OPCML: variants seen among roughly 807,000 people sequenced by gnomAD.
OPCML encodes the protein opioid-binding protein/cell adhesion molecule.
Under a neutral mutation model 37.8 loss-of-function variants are expected in OPCML, and 13 were observed. The observed-to-expected ratio is 0.34, with a 90% confidence interval of 0.22 to 0.55. The LOEUF (loss-of-function observed/expected upper bound fraction) is 0.55. Ranked by LOEUF, OPCML falls within the 20% of genes least tolerant of loss-of-function variation. OPCML has a pLI of 0.91. For synonymous variants in OPCML, 176 were observed against 168.8 expected (o/e 1.04, Z -0.33); for missense variants, 341 against 435.6 (o/e 0.78, Z 1.93).
chr11:133,371,970 G>T (rs748143718), intron 1 of OPCML, among the ~76,000 whole-genome samples: 4 of 152,124 alleles, frequency 2.6e-5, no homozygotes, highest in Non-Finnish European at 4.4e-5. Flanking sequence ...AGCTAAAAAT[G>T]TTGATCTCAT....
In OPCML at chr11:133,486,152, G is replaced by A. The variant is rs374673220; in HGVS notation, c.61+46112C>T. Among the ~76,000 whole-genome samples the A allele has an allele frequency of 2.0e-5, 3 of 152,240 alleles. No homozygotes were observed. The East Asian group carries it at 5.8e-4, about 29-fold the overall frequency. On this transcript the variant is annotated intron_variant, in intron 1 of 7. Transcript: ENST00000524381. ...TAACCCAATAAAGAACCAGAAGCTT[G>A]CAGGAACCTAACCCTGTATTTTCTC...
intron 2 of OPCML, among the ~76,000 whole-genome samples, chr11:132,779,250 G>A (rs531775507): frequency 6.6e-6 from 1 of 152,254 alleles, no homozygotes; most frequent in South Asian, 2.1e-4. Context: ...TTACAGGCAT[G>A]AGTCACCACA....
At chr11:132,719,166 G>A (rs1944592204) in intron 2 of OPCML, among the ~76,000 whole-genome samples, 4 of 152,214 alleles carry the variant, frequency 2.6e-5, no homozygotes, top group Admixed American at 1.3e-4. Context: ...TCCAGGAGGC[G>A]CGTGTTCTTC....
intron 1 of OPCML, among the ~76,000 whole-genome samples, chr11:133,210,036 G>A (rs1276612686): frequency 3.3e-5 from 5 of 152,160 alleles, no homozygotes; most frequent in East Asian, 1.9e-4. Context: ...ATATTTGCAC[G>A]CACACACCTC....
At chr11:133,528,365 A>G (rs4378414) in intron 1 of OPCML, among the ~76,000 whole-genome samples, 64,682 of 152,150 alleles carry the variant, frequency 0.43, 18,631 homozygotes, top group African/African-American at 0.82. Flanking sequence ...GGACGATGGG[A>G]ACTTGCTCAT....
intron 3 of OPCML, among the ~76,000 whole-genome samples, chr11:132,567,172 C>T (rs1457777709): frequency 6.6e-6 from 1 of 152,156 alleles, no homozygotes; most frequent in African/African-American, 2.4e-5. Flanking sequence ...CTACTCCTCA[C>T]TGAATACTTC....
At chr11:132,659,828 C>A (rs1008858109) in intron 2 of OPCML, among the ~76,000 whole-genome samples, 1 of 152,070 alleles carries the variant, frequency 6.6e-6, no homozygotes, top group Non-Finnish European at 1.5e-5. Flanking sequence ...AGTCATAACA[C>A]GTGCATTGTT....
At chr11:132,570,154 C>A (rs2096433969) in intron 3 of OPCML, among the ~76,000 whole-genome samples, 1 of 152,198 alleles carries the variant, frequency 6.6e-6, no homozygotes, top group African/African-American at 2.4e-5. Context: ...CAGGCCAAAT[C>A]TGGCTTTCTT....
At chr11:132,850,947 G>A (rs888953351) in intron 2 of OPCML, among the ~76,000 whole-genome samples, 5 of 152,186 alleles carry the variant, frequency 3.3e-5, no homozygotes, top group Admixed American at 1.3e-4. Context: ...ATAGAACAGA[G>A]GTTATTCACT....
chr11:133,445,900 A>G (rs892922186), intron 1 of OPCML, among the ~76,000 whole-genome samples: 1 of 152,030 alleles, frequency 6.6e-6, no homozygotes, highest in Admixed American at 6.6e-5. Context: ...GATGGGGCTG[A>G]GAAGGAAGGG....
At chr11:133,470,024 T>C (rs1026978771) in intron 1 of OPCML, among the ~76,000 whole-genome samples, 1 of 152,148 alleles carries the variant, frequency 6.6e-6, no homozygotes, top group South Asian at 2.1e-4. Flanking sequence ...CATTTAGTCT[T>C]CCCAAATTAC....
chr11:132,540,751 T>A (rs1403536933), intron 3 of OPCML, among the ~76,000 whole-genome samples: 1 of 152,218 alleles, frequency 6.6e-6, no homozygotes, highest in Non-Finnish European at 1.5e-5. Flanking sequence ...TATGCTAAGT[T>A]CATTTGTGAT....
intron 1 of OPCML, among the ~76,000 whole-genome samples, chr11:133,149,543 A>C (rs1157118770): frequency 3.3e-5 from 5 of 152,240 alleles, no homozygotes; most frequent in Non-Finnish European, 7.3e-5. Context: ...TGTGTCCCTG[A>C]TAAGTCGGTT....
intron 1 of OPCML, chr11:133,005,578 CT>C: frequency 1.0e-6 from 1 of 985,104 alleles, no homozygotes; most frequent in Non-Finnish European, 1.2e-6. Context: ...TAATATATCC[CT>C]TTCCTTAGGG....
At chr11:132,778,449 A>G (rs1946881854) in intron 2 of OPCML, among the ~76,000 whole-genome samples, 1 of 152,250 alleles carries the variant, frequency 6.6e-6, no homozygotes, top group Non-Finnish European at 1.5e-5. Flanking sequence ...AATGCAAATC[A>G]TGACCTCAAG....
intron 1 of OPCML, among the ~76,000 whole-genome samples, chr11:133,271,068 T>C (rs1369097702): frequency 1.3e-5 from 2 of 152,192 alleles, no homozygotes; most frequent in African/African-American, 2.4e-5. Context: ...CAGTAAGACA[T>C]CAGACTTTGT....
At chr11:133,089,783 G>A (rs1948875967) in intron 1 of OPCML, among the ~76,000 whole-genome samples, 1 of 151,982 alleles carries the variant, frequency 6.6e-6, no homozygotes, top group African/African-American at 2.4e-5. Flanking sequence ...AAAACCCAGT[G>A]GCTTATGTTT....
chr11:132,704,749 C>T (rs1943964408), intron 2 of OPCML, among the ~76,000 whole-genome samples: 1 of 152,108 alleles, frequency 6.6e-6, no homozygotes, highest in Admixed American at 6.6e-5. Flanking sequence ...GTTTTTAATT[C>T]AAGTATTCAA....
intron 3 of OPCML, among the ~76,000 whole-genome samples, chr11:132,603,924 G>C (rs1938093540): frequency 6.6e-6 from 1 of 152,014 alleles, no homozygotes; most frequent in African/African-American, 2.4e-5. Flanking sequence ...GAGTCCCCCA[G>C]CACCCGTAAT....
Sources: allele counts gnomAD v4.1 joint callset (sites outside exome capture counted in the v4.1 genomes callset), GRCh38; gene constraint gnomAD v4.1.1; transcripts MANE v1.5; gene names NCBI Gene and HGNC (gene_info 2026-07-23, HGNC 2026-07-21).